Variants in NMNAT2 observed in about 807,000 individuals in gnomAD.
The protein encoded by NMNAT2 is nicotinamide/nicotinic acid mononucleotide adenylyltransferase 2.
NMNAT2 carries 11 observed loss-of-function variants against 41.6 expected under a neutral mutation model. The ratio of observed to expected loss-of-function variants is 0.26; its 90% CI spans 0.17 to 0.44. The LOEUF (loss-of-function observed/expected upper bound fraction) is 0.44, where lower values mean the gene tolerates loss of function less well. NMNAT2 is among the 20% of genes least tolerant of loss of function. The pLI is 1.00. For missense variants in NMNAT2, 288 were observed against 407.7 expected, an observed-to-expected ratio of 0.71 and a Z score of 2.53; for synonymous variants, 148 against 151.2, an observed-to-expected ratio of 0.98 and a Z score of 0.16.
At position 183,418,166 on chromosome 1, in the gene NMNAT2, T is replaced by C; in HGVS notation, c.85+17A>G. 6.2e-7 allele frequency: 1 copy of C among 1,610,848 alleles called. No homozygotes were observed. The highest frequency in any genetic ancestry group is 8.5e-7 in the Non-Finnish European group (1 of 1,177,698). On this transcript the variant is annotated intron_variant, in intron 1 of 10. Transcript: ENST00000287713. ...GAGGAGCGGAAGCGGCTTCCAGAGG[T>C]GGGCGGGAGGACTCACCAAACATCT...
chr1:183,284,110 A>C, intron 6 of NMNAT2, 71 bp from the exon 7 acceptor site: 1 of 1,078,850 alleles, frequency 9.3e-7, no homozygotes, highest in Non-Finnish European at 1.3e-6. Context: ...AGTCTGCCTG[A>C]GGGCCTCAGC....
At chr1:183,319,675 T>C (rs746257228) in intron 1 of NMNAT2, among the ~76,000 whole-genome samples, 5 of 152,208 alleles carry the variant, frequency 3.3e-5, no homozygotes, top group Non-Finnish European at 7.3e-5. Flanking sequence ...CCCCTCTCTC[T>C]TTCTCTCTTC....
At chr1:183,308,164 G>A (rs979378345) in intron 1 of NMNAT2, among the ~76,000 whole-genome samples, 1 of 152,156 alleles carries the variant, frequency 6.6e-6, no homozygotes, top group Admixed American at 6.5e-5. Context: ...GGATTTTGCT[G>A]CTTTTCCCTC....
intron 1 of NMNAT2, among the ~76,000 whole-genome samples, chr1:183,378,030 A>G (rs1663715867): frequency 6.6e-6 from 1 of 152,214 alleles, no homozygotes; most frequent in South Asian, 2.1e-4. Flanking sequence ...TAAATCATTA[A>G]ACTTGAAGAT....
intron 8 of NMNAT2, among the ~76,000 whole-genome samples, chr1:183,269,350 A>G (rs1207133631): frequency 6.6e-6 from 1 of 152,178 alleles, no homozygotes; most frequent in Non-Finnish European, 1.5e-5. Context: ...TTGCAAAGAA[A>G]TGCCATTAGA....
intron 1 of NMNAT2, among the ~76,000 whole-genome samples, chr1:183,338,450 G>A (rs1256632897): frequency 6.6e-6 from 1 of 152,068 alleles, no homozygotes; most frequent in Non-Finnish European, 1.5e-5. Context: ...TTTATGTTCT[G>A]GTTTTCACTT....
intron 1 of NMNAT2, among the ~76,000 whole-genome samples, chr1:183,361,279 T>A (rs1663302824): frequency 1.3e-5 from 2 of 152,166 alleles, no homozygotes; most frequent in South Asian, 4.1e-4. Flanking sequence ...CGCCATGTGG[T>A]CCACACTTGG....
At chr1:183,345,817 G>T (rs1359419035) in intron 1 of NMNAT2, among the ~76,000 whole-genome samples, 1 of 151,814 alleles carries the variant, frequency 6.6e-6, no homozygotes, top group Non-Finnish European at 1.5e-5. Flanking sequence ...CTCCCGAGTA[G>T]CTGGGACTAC....
chr1:183,405,018 C>T (rs940788252), intron 1 of NMNAT2, among the ~76,000 whole-genome samples: 9 of 152,052 alleles, frequency 5.9e-5, no homozygotes, highest in African/African-American at 1.7e-4. Context: ...TCCAGGAGTT[C>T]GAGACCAGCC....
At chr1:183,263,587 G>A (rs1660721525) in intron 8 of NMNAT2, among the ~76,000 whole-genome samples, 1 of 152,328 alleles carries the variant, frequency 6.6e-6, no homozygotes, top group East Asian at 1.9e-4. Context: ...GGGAGGCCAA[G>A]GCGGGTGGAT....
intron 1 of NMNAT2, among the ~76,000 whole-genome samples, chr1:183,366,989 C>T (rs758856922): frequency 3.9e-5 from 6 of 152,140 alleles, no homozygotes; most frequent in Non-Finnish European, 7.3e-5. Flanking sequence ...CAGTTTGTTA[C>T]TTATACATGC....
At chr1:183,268,347 A>G (rs1267765378) in intron 8 of NMNAT2, among the ~76,000 whole-genome samples, 7 of 152,186 alleles carry the variant, frequency 4.6e-5, no homozygotes, top group African/African-American at 1.4e-4. Context: ...CCTAGACACT[A>G]GGCATGCAGG....
chr1:183,341,724 C>CAAAAAAAAAAAAAAAAAA (rs1557883660), intron 1 of NMNAT2, among the ~76,000 whole-genome samples: 1 of 15,816 alleles, frequency 6.3e-5, no homozygotes, highest in African/African-American at 2.0e-4. Flanking sequence ...CAAACAAACA[C>CAAAAAAAAAAAAAAAAAA]CAAAAAAAAA....
intron 1 of NMNAT2, among the ~76,000 whole-genome samples, chr1:183,311,722 TACACACACACACACACACACACAC>T (rs61005402): frequency 2.8e-5 from 4 of 144,206 alleles, no homozygotes; most frequent in Admixed American, 6.9e-5. Context: ...GTCCAGTCCC[TACACACACACACACACACACACAC>T]ACACACACAC....
At chr1:183,314,375 A>G (rs1662195309) in intron 1 of NMNAT2, among the ~76,000 whole-genome samples, 1 of 152,188 alleles carries the variant, frequency 6.6e-6, no homozygotes, top group Non-Finnish European at 1.5e-5. Context: ...CCTGACTTTC[A>G]GAGCTGGAAT....
intron 1 of NMNAT2, among the ~76,000 whole-genome samples, chr1:183,344,916 T>G (rs944558946): frequency 2.6e-5 from 4 of 152,160 alleles, no homozygotes; most frequent in Non-Finnish European, 4.4e-5. Flanking sequence ...TTCCTCCCCA[T>G]CCGGGGGCCA....
rs577421430 is a variant in NMNAT2 at position 183,369,512 on chromosome 1, C to T, written c.85+48671G>A. ...CAGGATGGTCTCGATCTCCTGACCT[C>T]ATGATCCACCTGCCTCGGCCTCCCA... On this transcript the variant is annotated intron_variant, in intron 1 of 10. Coordinates refer to ENST00000287713, the MANE Select transcript of NMNAT2 (RefSeq NM_015039.4). Among the ~76,000 whole-genome samples, 60 of 152,192 alleles carry T rather than the reference C, an allele frequency of 3.9e-4. 2 individuals are homozygous for T. The East Asian group carries it at 0.011, about 27-fold the overall frequency.
At chr1:183,333,144 C>A (rs1327620422) in intron 1 of NMNAT2, among the ~76,000 whole-genome samples, 1 of 152,122 alleles carries the variant, frequency 6.6e-6, no homozygotes, top group African/African-American at 2.4e-5. Context: ...AGGTGGAAGC[C>A]AATGCCCAGA....
chr1:183,410,540 G>A (rs1011002395), intron 1 of NMNAT2, among the ~76,000 whole-genome samples: 3 of 151,792 alleles, frequency 2.0e-5, no homozygotes, highest in African/African-American at 7.3e-5. Context: ...ACCTTTCGAG[G>A]CCCACTAAAA....
Sources: gnomAD v4.1 joint callset for allele counts (sites outside exome capture counted in the v4.1 genomes callset) on GRCh38, gnomAD v4.1.1 for gene constraint, MANE v1.5 for transcripts, NCBI Gene and HGNC (gene_info 2026-07-23, HGNC 2026-07-21) for gene names.